TLE5: variants seen among roughly 807,000 people sequenced by gnomAD.
TLE5 encodes the protein TLE family member 5.
Under a neutral mutation model 25.8 loss-of-function variants are expected in TLE5, and 7 were observed. The observed-to-expected ratio is 0.27, with a 90% confidence interval of 0.15 to 0.51. The LOEUF (loss-of-function observed/expected upper bound fraction) is 0.51, where lower values mean the gene tolerates loss of function less well. Ranked by LOEUF, TLE5 falls within the 20% of genes least tolerant of loss-of-function variation. The pLI is 0.97. For synonymous variants in TLE5, 132 were observed against 110.5 expected (o/e 1.20, Z -1.22); for missense variants, 149 against 250.7 (o/e 0.59, Z 2.74).
chr19:3,054,086 T>TCGGGGGGGGCCGC, intron 6 of TLE5, 34 bp downstream of exon 6: 1 of 1,512,816 alleles, frequency 6.6e-7, no homozygotes, highest in Non-Finnish European at 8.9e-7. Context: ...GGCCCACCTG[T>TCGGGGGGGGCCGC]CCCCCGCCCA....
intron 4 of TLE5, 95 bp from the exon 5 acceptor site, chr19:3,055,821 C>T (rs1021655076): frequency 4.7e-5 from 64 of 1,357,426 alleles, no homozygotes; most frequent in Middle Eastern, 3.8e-4. Context: ...CCAGCCCTGC[C>T]ACTTGCGGCT....
intron 2 of TLE5, among the ~76,000 whole-genome samples, chr19:3,059,742 A>G (rs1263578331): frequency 6.6e-6 from 1 of 152,186 alleles, no homozygotes. Context: ...CAGAGGTCAC[A>G]CAGCACTGTG....
In TLE5 at chr19:3,054,087, C is replaced by CCA. The variant is rs1568262660; in HGVS notation, c.372+32_372+33insTG. 7.5e-6 allele frequency: 11 copies of CCA among 1,476,456 alleles called. No individual in the cohort carries two copies. In the South Asian group the frequency reaches 8.9e-5, roughly 12 times the overall value. 91.5% of individuals were successfully genotyped at this position (1,476,456 alleles called of 1,614,324 possible). ...CATTAGCTGCCTGGGGCCCACCTGT[C>CCA]CCCCGCCCACCCGCCCAGGTCCCCA... On this transcript the variant is annotated intron_variant, in intron 6 of 6. Transcript: ENST00000327141.
At chr19:3,056,539 C>T (rs1485529912) in intron 3 of TLE5, 183 bp from the exon 4 acceptor site, 2 of 617,974 alleles carry the variant, frequency 3.2e-6, no homozygotes, top group East Asian at 5.9e-5. Context: ...CGCCCACACC[C>T]AGCATCCCAG....
chr19:3,056,576 G>A (rs754538819), intron 3 of TLE5: 30 of 658,552 alleles, frequency 4.6e-5, no homozygotes, highest in African/African-American at 3.2e-4. Flanking sequence ...GCAGGGGGCC[G>A]CTGGGGCTGC....
At position 3,053,912 on chromosome 19, in the gene TLE5, G is replaced by C. The variant is rs1203603900; in HGVS notation, c.501C>G (p.Ser167=). The C allele has an allele frequency of 5.0e-6, 8 of 1,612,982 alleles. No individual in the cohort carries two copies. The highest frequency in any genetic ancestry group is 6.8e-6 in the Non-Finnish European group (8 of 1,180,004). ...AGAGGTGGGCCTGGGAACCCAGCGC[G>C]GACAGCGAGAGGAGGCCGGTGCCTG... ...VSAGTGLLSL[S]ALGSQAHLSK... is the part of the protein sequence containing the mutation. Residue 167 remains serine, a synonymous_variant, in exon 7 of 7, where the codon TCC becomes TCG. Coordinates refer to ENST00000327141, the MANE Select transcript of TLE5 (RefSeq NM_001130.6).
intron 5 of TLE5, chr19:3,054,776 A>G (rs934731459): frequency 6.4e-6 from 1 of 155,216 alleles, no homozygotes; most frequent in Non-Finnish European, 1.4e-5. Flanking sequence ...AGAATCTACC[A>G]ATCTCCCTTT....
At position 3,053,641 on chromosome 19, in the gene TLE5, GAAGA is replaced by G; in HGVS notation, c.*174_*177del. The G allele has an allele frequency of 1.5e-6, 1 of 658,524 alleles. No homozygotes were observed. The highest frequency in any genetic ancestry group is 1.8e-5 in the African/African-American group (1 of 54,966). 40.8% of individuals were successfully genotyped at this position (658,524 alleles called of 1,614,324 possible). On this transcript the variant is annotated 3_prime_UTR_variant, in exon 7 of 7. Transcript: ENST00000327141. Reference sequence around the variant, plus strand: ...AGGAGGGAAGCCGGGAATGGGGTAGGAAGAAAGCTAGAGGTGGCCTGCAAGCTGG... The same window carrying G: ...AGGAGGGAAGCCGGGAATGGGGTAGGAAGCTAGAGGTGGCCTGCAAGCTGG...
At chr19:3,054,086 T>TCCCCTTCCC in intron 6 of TLE5, 34 bp downstream of exon 6, 4 of 1,512,810 alleles carry the variant, frequency 2.6e-6, no homozygotes, top group Non-Finnish European at 8.9e-7. Context: ...GGCCCACCTG[T>TCCCCTTCCC]CCCCCGCCCA....
upstream of TLE5, chr19:3,062,792 C>A (rs1568267505): frequency 1.0e-5 from 16 of 1,550,270 alleles, no homozygotes; most frequent in Non-Finnish European, 1.4e-5. Flanking sequence ...GTGGCACGAC[C>A]TGGACGCGTG....
chr19:3,056,320 G>T lies in TLE5; in HGVS notation c.226C>A (p.His76Asn). ...GGAGGAGATGGGCGTACCTGTTTGT[G>T]CATCTCGATGTTCAAGCCGTAGGAC... ...EMSYGLNIEM[H>N]KQAEIVKRLN... The change falls in exon 4 of 7, where the codon CAC becomes AAC. Residue 76 changes from histidine (H) to asparagine (N), a missense_variant. His to Asn is a moderately conservative substitution (Grantham distance 68). Transcript: ENST00000327141. The T allele has an allele frequency of 6.8e-7, 1 of 1,470,118 alleles. No homozygotes were observed. The highest frequency in any genetic ancestry group is 9.1e-7 in the Non-Finnish European group (1 of 1,099,686). 91.1% of individuals were successfully genotyped at this position (1,470,118 alleles called of 1,614,324 possible).
At chr19:3,055,585 C>T in intron 5 of TLE5, 79 bp downstream of exon 5, 1 of 1,386,390 alleles carries the variant, frequency 7.2e-7, no homozygotes, top group Non-Finnish European at 9.8e-7. Flanking sequence ...CAGCACACCA[C>T]CCAAGATGGC....
chr19:3,057,352 TC>T (rs1202286778), intron 3 of TLE5: 6 of 361,970 alleles, frequency 1.7e-5, no homozygotes, highest in Non-Finnish European at 3.1e-5. Flanking sequence ...ACTCGGCTGC[TC>T]CCCCACGTCA....
chr19:3,062,501 C>G, upstream of TLE5: 2 of 626,226 alleles, frequency 3.2e-6, no homozygotes, highest in Non-Finnish European at 4.0e-6. Flanking sequence ...GCAGTGGCCG[C>G]GGCTCGGCTG....
chr19:3,061,485 C>T, intron 1 of TLE5: 2 of 346,992 alleles, frequency 5.8e-6, no homozygotes, highest in Non-Finnish European at 5.3e-6. Flanking sequence ...CCCCCGCCAC[C>T]CCCAGGCAGT....
upstream of TLE5, chr19:3,062,832 G>A (rs1051463086): frequency 7.8e-6 from 12 of 1,547,952 alleles, no homozygotes; most frequent in African/African-American, 1.6e-4. Context: ...CCTTGGCTCT[G>A]GCTGGGCGGT....
chr19:3,061,888 G>C (rs1227527492), intron 1 of TLE5, among the ~76,000 whole-genome samples: 2 of 25,910 alleles, frequency 7.7e-5, no homozygotes, highest in Non-Finnish European at 1.2e-4. Flanking sequence ...CGGCGGGTTG[G>C]GGGGGGGGGG....
intron 5 of TLE5, chr19:3,055,267 A>T (rs1020511786): frequency 6.2e-6 from 1 of 160,108 alleles, no homozygotes; most frequent in African/African-American, 2.4e-5. Context: ...CCCTTCCCCC[A>T]CAATCCCCTA....
At chr19:3,062,758 C>A, upstream of TLE5, 4 of 1,547,260 alleles carry the variant, frequency 2.6e-6, no homozygotes, top group South Asian at 3.6e-5. Flanking sequence ...CCCGGCTGCC[C>A]GCGTCGAAGC....
Sources: gnomAD v4.1 joint callset for allele counts (sites outside exome capture counted in the v4.1 genomes callset) on GRCh38, gnomAD v4.1.1 for gene constraint, MANE v1.5 for transcripts, NCBI Gene and HGNC (gene_info 2026-07-23, HGNC 2026-07-21) for gene names.